SLC30A8: variants seen among roughly 807,000 people sequenced by gnomAD.
SLC30A8 encodes the protein proton-coupled zinc antiporter SLC30A8.
In SLC30A8, 27 loss-of-function variants were observed where a neutral mutation model predicts 36.9. That is an observed-to-expected ratio of 0.73 (90% CI 0.54 to 1.01). SLC30A8 has a LOEUF of 1.01. SLC30A8 is among the 50% of genes least tolerant of loss of function. SLC30A8 has a pLI of 0.00. For synonymous variants in SLC30A8, 164 were observed against 172.4 expected (o/e 0.95, Z 0.38); for missense variants, 439 against 452.0 (o/e 0.97, Z 0.26).
intron 1 of SLC30A8, among the ~76,000 whole-genome samples, chr8:117,007,629 T>C (rs1816224827): frequency 6.6e-6 from 1 of 152,188 alleles, no homozygotes; most frequent in Non-Finnish European, 1.5e-5. Flanking sequence ...GATGTGTGAG[T>C]TAAAGAGATA....
intron 1 of SLC30A8, among the ~76,000 whole-genome samples, chr8:116,986,235 A>G (rs1008822613): frequency 3.3e-5 from 5 of 151,910 alleles, no homozygotes; most frequent in African/African-American, 1.2e-4. Flanking sequence ...TGTTCATCTA[A>G]TTACTATTTA....
intron 2 of SLC30A8, among the ~76,000 whole-genome samples, chr8:117,098,867 G>C (rs1819586146): frequency 6.6e-6 from 1 of 152,078 alleles, no homozygotes; most frequent in African/African-American, 2.4e-5. Flanking sequence ...TGGGGAAAAA[G>C]GTGATAACAT....
chr8:117,166,142 C>A (rs1377050570), intron 6 of SLC30A8, among the ~76,000 whole-genome samples: 1 of 152,052 alleles, frequency 6.6e-6, no homozygotes, highest in Non-Finnish European at 1.5e-5. Context: ...ATTCCCAATA[C>A]AACGAAATAA....
chr8:117,001,204 CTT>C (rs34639384), intron 1 of SLC30A8, among the ~76,000 whole-genome samples: 1,660 of 78,266 alleles, frequency 0.021, 32 homozygotes, highest in African/African-American at 0.076. Flanking sequence ...TTGCTAGGGG[CTT>C]TTTTTTTTTT....
chr8:117,149,765 G>T (rs1013059342), intron 2 of SLC30A8, among the ~76,000 whole-genome samples: 1 of 152,152 alleles, frequency 6.6e-6, no homozygotes, highest in African/African-American at 2.4e-5. Context: ...TCTGTATGAT[G>T]ATCATCTACC....
At chr8:116,990,871 ACAAC>A (rs1472615888) in intron 1 of SLC30A8, among the ~76,000 whole-genome samples, 2 of 152,218 alleles carry the variant, frequency 1.3e-5, no homozygotes, top group Non-Finnish European at 1.5e-5. Flanking sequence ...TATCTAAAAA[ACAAC>A]CAAATAAGTG....
chr8:116,979,578 T>G lies in SLC30A8; in HGVS notation c.-266+28459T>G, dbSNP rs2130639787. On this transcript the variant is annotated intron_variant, in intron 1 of 10. Coordinates refer to the SLC30A8 transcript ENST00000427715. ...GGCATTTGTCCAAGTCTTGAAAATT[T>G]CTGGACCAAGTTTCCTTACAGTGTC... 1.3e-5 allele frequency among the ~76,000 whole-genome samples: 2 copies of G among 152,296 alleles called. 1 individual carries two copies. Among genetic ancestry groups the G allele is most frequent in the South Asian group, 4.1e-4 (2 of 4,830 alleles).
chr8:117,002,396 G>A (rs949405510), intron 1 of SLC30A8, among the ~76,000 whole-genome samples: 2 of 152,060 alleles, frequency 1.3e-5, no homozygotes, highest in Non-Finnish European at 2.9e-5. Context: ...CTTGCCCCAA[G>A]TACTTTAAAT....
In SLC30A8 at chr8:117,082,156, C is replaced by T. The variant is rs575758050; in HGVS notation, c.-226+42898C>T. On this transcript the variant is annotated intron_variant, in intron 2 of 10. Transcript: ENST00000427715. ...GTTATATTTAAAGAATCAATAGTCT[C>T]AGTCAATTATTAAAGTAGGTGAATA... Among the ~76,000 whole-genome samples, 5 of 152,308 alleles carry T rather than the reference C, an allele frequency of 3.3e-5. No homozygotes were observed. In the South Asian group the frequency reaches 1.0e-3, roughly 32 times the overall value.
chr8:117,082,755 G>A (rs1380951542), intron 2 of SLC30A8, among the ~76,000 whole-genome samples: 3 of 152,138 alleles, frequency 2.0e-5, no homozygotes, highest in Non-Finnish European at 4.4e-5. Flanking sequence ...TAGAGAACGA[G>A]CCTGTTTTGT....
intron 1 of SLC30A8, among the ~76,000 whole-genome samples, chr8:116,965,585 C>G (rs907396468): frequency 4.6e-5 from 7 of 152,250 alleles, no homozygotes; most frequent in African/African-American, 1.2e-4. Flanking sequence ...GGTGTGAATT[C>G]CACATCTTTG....
Position 117,103,320 on chromosome 8 carries a change from G to A in SLC30A8, c.-225-31960G>A, listed in dbSNP as rs183880678. On this transcript the variant is annotated intron_variant, in intron 2 of 10. Transcript: ENST00000427715. ...CCCAGCAAGACAAGCAGAATTTCAA[G>A]GAGTGAGAATAATTCTCTGTGGCTT... Among the ~76,000 whole-genome samples, 4 of 152,208 alleles carry A rather than the reference G, an allele frequency of 2.6e-5. No homozygotes were observed. In the East Asian group the frequency reaches 7.8e-4, roughly 30 times the overall value.
At chr8:117,101,673 A>G (rs1229511875) in intron 2 of SLC30A8, among the ~76,000 whole-genome samples, 3 of 152,152 alleles carry the variant, frequency 2.0e-5, no homozygotes, top group Non-Finnish European at 4.4e-5. Context: ...CCCACCCTCA[A>G]TCTAGGTGGG....
chr8:116,962,916 A>T (rs1031630554), intron 1 of SLC30A8, among the ~76,000 whole-genome samples: 6 of 152,016 alleles, frequency 3.9e-5, no homozygotes, highest in African/African-American at 1.4e-4. Flanking sequence ...AAAGCAGGGT[A>T]CAAGGCAGAG....
chr8:117,079,346 T>C (rs1350199944), intron 2 of SLC30A8, among the ~76,000 whole-genome samples: 6 of 152,186 alleles, frequency 3.9e-5, no homozygotes, highest in Non-Finnish European at 8.8e-5. Flanking sequence ...AATATTCACA[T>C]AGTAGTCATT....
intron 2 of SLC30A8, among the ~76,000 whole-genome samples, chr8:117,048,687 C>T (rs1339276072): frequency 6.6e-6 from 1 of 152,170 alleles, no homozygotes; most frequent in East Asian, 1.9e-4. Context: ...AACAAAAATG[C>T]TGACTATTGT....
chr8:117,114,120 G>A (rs1381648718), intron 2 of SLC30A8, among the ~76,000 whole-genome samples: 1 of 152,052 alleles, frequency 6.6e-6, no homozygotes, highest in Non-Finnish European at 1.5e-5. Flanking sequence ...CCATCAAGTT[G>A]GAGAATTCAG....
At chr8:117,034,620 C>T (rs1817155119) in intron 1 of SLC30A8, among the ~76,000 whole-genome samples, 1 of 152,210 alleles carries the variant, frequency 6.6e-6, no homozygotes, top group East Asian at 1.9e-4. Flanking sequence ...GTTCTAACTT[C>T]AGATTCCAAG....
At chr8:117,045,285 G>A (rs1817515055) in intron 2 of SLC30A8, among the ~76,000 whole-genome samples, 1 of 152,100 alleles carries the variant, frequency 6.6e-6, no homozygotes, top group Admixed American at 6.5e-5. Context: ...ATAACATCAG[G>A]GAAGAATATT....
Sources: allele counts gnomAD v4.1 joint callset (sites outside exome capture counted in the v4.1 genomes callset), GRCh38; gene constraint gnomAD v4.1.1; transcripts MANE v1.5; gene names NCBI Gene and HGNC (gene_info 2026-07-23, HGNC 2026-07-21).